Variants in GDAP2 observed in about 807,000 individuals in gnomAD.
GDAP2 encodes ganglioside-induced differentiation-associated protein 2.
GDAP2 carries 51 observed loss-of-function variants against 67.0 expected under a neutral mutation model. The ratio of observed to expected loss-of-function variants is 0.76; its 90% CI spans 0.61 to 0.96. The LOEUF is 0.96. Ranked by LOEUF, GDAP2 falls within the 40% of genes least tolerant of loss-of-function variation. GDAP2 has a pLI of 0.00. For synonymous variants in GDAP2, 203 were observed against 207.3 expected (o/e 0.98, Z 0.18); for missense variants, 547 against 588.3 (o/e 0.93, Z 0.73).
At chr1:117,879,384 A>G (rs1185025538) in intron 12 of GDAP2, among the ~76,000 whole-genome samples, 1 of 152,108 alleles carries the variant, frequency 6.6e-6, no homozygotes, top group East Asian at 1.9e-4. Flanking sequence ...TTCTGTTTAA[A>G]AATGTTGAAC....
At chr1:117,884,480 C>T (rs367819878) in intron 10 of GDAP2, among the ~76,000 whole-genome samples, 16 of 152,144 alleles carry the variant, frequency 1.1e-4, no homozygotes, top group African/African-American at 3.9e-4. Flanking sequence ...GAGTCCTTGA[C>T]ATTAACATGG....
intron 1 of GDAP2, among the ~76,000 whole-genome samples, chr1:117,926,192 G>C (rs114134358): frequency 0.011 from 1,714 of 152,182 alleles, 12 homozygotes; most frequent in Non-Finnish European, 0.018. Context: ...CTGCAGTTTT[G>C]CTTCCGCTCT....
intron 8 of GDAP2, among the ~76,000 whole-genome samples, chr1:117,894,549 T>C (rs1649203049): frequency 1.3e-5 from 2 of 152,192 alleles, no homozygotes; most frequent in Non-Finnish European, 2.9e-5. Flanking sequence ...AAATCAGTTC[T>C]TGAGAACCCA....
intron 1 of GDAP2, among the ~76,000 whole-genome samples, chr1:117,926,226 T>C (rs988558381): frequency 2.6e-5 from 4 of 152,222 alleles, no homozygotes; most frequent in African/African-American, 9.6e-5. Flanking sequence ...AACTACTCTA[T>C]TCAACAATAA....
chr1:117,918,305 T>C (rs183256120), intron 3 of GDAP2, among the ~76,000 whole-genome samples: 362 of 152,324 alleles, frequency 2.4e-3, no homozygotes, highest in Non-Finnish European at 4.3e-3. Context: ...CAAGAAAATA[T>C]GCAGCCAAGA....
At chr1:117,922,607 T>C (rs1650296152) in intron 1 of GDAP2, among the ~76,000 whole-genome samples, 1 of 152,182 alleles carries the variant, frequency 6.6e-6, no homozygotes, top group Non-Finnish European at 1.5e-5. Context: ...ACATCACATG[T>C]TGGCAGGTTC....
intron 9 of GDAP2, among the ~76,000 whole-genome samples, chr1:117,887,329 C>G (rs1648893474): frequency 6.6e-6 from 1 of 152,078 alleles, no homozygotes; most frequent in Non-Finnish European, 1.5e-5. Flanking sequence ...CTAAAAAGTA[C>G]CGTCTGTAAA....
At chr1:117,909,746 T>C (rs1397571607) in intron 5 of GDAP2, among the ~76,000 whole-genome samples, 1 of 152,192 alleles carries the variant, frequency 6.6e-6, no homozygotes, top group East Asian at 1.9e-4. Flanking sequence ...AAGTCCCTTA[T>C]ACCCATTATT....
chr1:117,919,216 T>C (rs1650156658), intron 2 of GDAP2, among the ~76,000 whole-genome samples: 1 of 151,740 alleles, frequency 6.6e-6, no homozygotes, highest in Admixed American at 6.6e-5. Flanking sequence ...TTATTAAAAA[T>C]ACAAAAAATT....
chr1:117,881,836 G>T lies in GDAP2; in HGVS notation c.1289C>A (p.Thr430Lys). 6.4e-7 allele frequency: 1 copy of T among 1,564,346 alleles called. No homozygotes were observed. The highest frequency in any genetic ancestry group is 8.8e-7 in the Non-Finnish European group (1 of 1,134,800). ...AAAATACTGTACCTTTGAACGAAAT[G>T]TGGGATGTACAAAATAAACAGCCTT... is the stretch of plus-strand genomic sequence containing the variant. ...NLKAVYFVHPTFRSKVSTWFF... is the reference protein window; with the variant it reads ...NLKAVYFVHPKFRSKVSTWFF... The change falls in exon 12 of 14, where the codon ACA becomes AAA. Residue 430 changes from threonine (T) to lysine (K), a missense_variant. Physicochemically the swap from Thr to Lys is moderately conservative, Grantham distance 78. Transcript: ENST00000369443.
At chr1:117,903,984 TTTTTTTTC>T (rs1397119462) in intron 6 of GDAP2, among the ~76,000 whole-genome samples, 2 of 151,416 alleles carry the variant, frequency 1.3e-5, no homozygotes, top group African/African-American at 4.9e-5. Context: ...AGTTTATGAT[TTTTTTTTC>T]TTTTTTTTTT....
chr1:117,865,000 G>C lies in GDAP2; in HGVS notation c.*5569C>G, dbSNP rs1393508720. 6.6e-6 allele frequency: 1 copy of C among 152,170 alleles called. No individual in the cohort carries two copies. Among genetic ancestry groups the C allele is most frequent in the East Asian group, 1.9e-4 (1 of 5,196 alleles). 9.4% of individuals were successfully genotyped at this position (152,170 alleles called of 1,614,324 possible). On this transcript the variant is annotated 3_prime_UTR_variant, in exon 14 of 14. Coordinates refer to ENST00000369443, the MANE Select transcript of GDAP2 (RefSeq NM_017686.4). Reference sequence around the variant, plus strand: ...TACTCTTTTACTCTAACTATGGTCTGGGGACCAGGAGAATTGATAACACCT... The same window carrying C: ...TACTCTTTTACTCTAACTATGGTCTCGGGACCAGGAGAATTGATAACACCT...
In GDAP2 at chr1:117,912,658, C is replaced by A. The variant is rs1649900785; in HGVS notation, c.342G>T (p.Leu114Phe). 1 of 1,613,406 alleles carries A rather than the reference C, an allele frequency of 6.2e-7. No individual in the cohort carries two copies. ...LKGCRTGEAK[L>F]TKGFNLAARF... ...GGGCAGCTAGATTGAATCCTTTTGT[C>A]AATTTTGCTTCACCTGTTCGGCACC... The change falls in exon 4 of 14, where the codon TTG (leucine) becomes TTT (phenylalanine). Residue 114 changes from leucine to phenylalanine, a missense_variant. Transcript: ENST00000369443.
intron 1 of GDAP2, among the ~76,000 whole-genome samples, chr1:117,922,337 G>A (rs1251653500): frequency 6.6e-6 from 1 of 152,080 alleles, no homozygotes; most frequent in Non-Finnish European, 1.5e-5. Context: ...GAGAAGGAAT[G>A]CTAAGAAAGG....
chr1:117,900,465 T>G (rs1481010910), intron 6 of GDAP2, among the ~76,000 whole-genome samples: 1 of 152,138 alleles, frequency 6.6e-6, no homozygotes, highest in Non-Finnish European at 1.5e-5. Flanking sequence ...TTTTTGGACA[T>G]TTCATAAAAA....
At chr1:117,873,356 T>C (rs1411979267) in intron 13 of GDAP2, among the ~76,000 whole-genome samples, 1 of 152,132 alleles carries the variant, frequency 6.6e-6, no homozygotes, top group East Asian at 1.9e-4. Flanking sequence ...AAAATTGATG[T>C]TGCTATTCCA....
At chr1:117,889,258 A>T (rs1428736682) in intron 8 of GDAP2, among the ~76,000 whole-genome samples, 2 of 152,114 alleles carry the variant, frequency 1.3e-5, no homozygotes, top group African/African-American at 4.8e-5. Context: ...ATACGGATAC[A>T]TTGTAAAATG....
At chr1:117,928,769 G>C (rs896361101) in intron 1 of GDAP2, among the ~76,000 whole-genome samples, 1 of 152,196 alleles carries the variant, frequency 6.6e-6, no homozygotes, top group African/African-American at 2.4e-5. Context: ...ATCTTCTTTT[G>C]TACAGCTATG....
intron 1 of GDAP2, among the ~76,000 whole-genome samples, chr1:117,922,259 A>G (rs1297624542): frequency 2.0e-5 from 3 of 152,224 alleles, no homozygotes; most frequent in Admixed American, 1.3e-4. Flanking sequence ...TAGAGAAAAC[A>G]GATCCAAGGA....
Sources: gnomAD v4.1 joint callset for allele counts (sites outside exome capture counted in the v4.1 genomes callset) on GRCh38, gnomAD v4.1.1 for gene constraint, MANE v1.5 for transcripts, NCBI Gene and HGNC (gene_info 2026-07-23, HGNC 2026-07-21) for gene names.